The following ALPK1 variants were observed in gnomAD, a reference collection of about 807,000 sequenced individuals.
ALPK1 encodes the protein alpha-protein kinase 1.
In ALPK1, 110 loss-of-function variants were observed where a neutral mutation model predicts 120.6. The ratio of observed to expected loss-of-function variants is 0.91; its 90% CI spans 0.78 to 1.07. The LOEUF is 1.07. Among genes scored for constraint, ALPK1 ranks in the 50% least tolerant of loss-of-function variants. ALPK1 has a pLI of 0.00. For synonymous variants in ALPK1, 582 were observed against 560.3 expected (o/e 1.04, Z -0.55); for missense variants, 1,498 against 1,483.9 (o/e 1.01, Z -0.16).
chr4:112,320,889 A>ATT (rs1728837609), intron 2 of ALPK1, among the ~76,000 whole-genome samples: 1 of 128,596 alleles, frequency 7.8e-6, no homozygotes, highest in African/African-American at 3.1e-5. Context: ...AATATCACCC[A>ATT]TTTCTTTCTT....
chr4:112,320,893 C>CTTTT (rs1430803675), intron 2 of ALPK1, among the ~76,000 whole-genome samples: 12 of 119,184 alleles, frequency 1.0e-4, no homozygotes, highest in African/African-American at 4.5e-4. Context: ...TCACCCATTT[C>CTTTT]TTTCTTTTTT....
intron 2 of ALPK1, among the ~76,000 whole-genome samples, chr4:112,328,545 G>A (rs554896695): frequency 6.6e-6 from 1 of 152,138 alleles, no homozygotes; most frequent in Admixed American, 6.5e-5. Flanking sequence ...AATCCTTTAG[G>A]GACCAATTAC....
At chr4:112,395,528 C>T (rs1449939688) in intron 4 of ALPK1, among the ~76,000 whole-genome samples, 2 of 152,118 alleles carry the variant, frequency 1.3e-5, no homozygotes, top group Non-Finnish European at 2.9e-5. Context: ...GCACATTATA[C>T]ATTTATTTAT....
rs1426900884 is a variant in ALPK1 at position 112,425,783 on chromosome 4, G to A, written c.622+32G>A. ...TCATGTAAAACTTGCATTTCTCAAG[G>A]CTCATTTACAAAGCCTGGCTGCATG... On this transcript the variant is annotated intron_variant, in intron 7 of 15. Transcript: ENST00000650871. 4.5e-6 allele frequency: 7 copies of A among 1,561,770 alleles called. No homozygotes were observed. The Admixed American group carries it at 1.2e-4, about 26-fold the overall frequency.
At chr4:112,329,452 A>T (rs1434039028) in intron 2 of ALPK1, among the ~76,000 whole-genome samples, 3 of 152,138 alleles carry the variant, frequency 2.0e-5, no homozygotes, top group Non-Finnish European at 4.4e-5. Flanking sequence ...GCCCAGACCC[A>T]CGTATTTCAC....
chr4:112,383,712 G>A (rs138338956), intron 4 of ALPK1: 29 of 152,346 alleles, frequency 1.9e-4, no homozygotes, highest in African/African-American at 7.0e-4. Flanking sequence ...CAAAGTGCTT[G>A]TAACACTTTA....
intron 2 of ALPK1, among the ~76,000 whole-genome samples, chr4:112,377,050 C>T (rs887652918): frequency 2.0e-5 from 3 of 152,030 alleles, no homozygotes; most frequent in African/African-American, 7.2e-5. Flanking sequence ...ATTGTATATA[C>T]GTTAAATGAC....
rs867191939 is a variant in ALPK1, at chr4:112,432,112, G to C, written c.2565G>C (p.Gly855=). The C allele has an allele frequency of 1.2e-5, 19 of 1,614,194 alleles. No homozygotes were observed. The African/African-American group carries it at 1.6e-4, about 14-fold the overall frequency. The change falls in exon 11 of 16, where the codon GGG becomes GGC. Residue 855 remains glycine, a synonymous_variant. Coordinates refer to ENST00000650871, the MANE Select transcript of ALPK1 (RefSeq NM_025144.4). The part of the protein sequence containing the change: ...DPDASTVDEE[G]QLLDSMDVPC... ...ATGCCTCCACAGTGGATGAGGAGGGGCAACTGCTCGACAGCATGGATGTTC... is the reference window on the plus strand; with the variant it reads ...ATGCCTCCACAGTGGATGAGGAGGGCCAACTGCTCGACAGCATGGATGTTC...
intron 2 of ALPK1, among the ~76,000 whole-genome samples, chr4:112,349,551 G>GTCC (rs1730243996): frequency 9.6e-6 from 1 of 103,714 alleles, no homozygotes; most frequent in Non-Finnish European, 1.9e-5. Context: ...CCCAACCCCT[G>GTCC]CCCCCCCCCG....
chr4:112,352,178 A>G (rs1041636043), intron 2 of ALPK1, among the ~76,000 whole-genome samples: 1 of 152,176 alleles, frequency 6.6e-6, no homozygotes, highest in African/African-American at 2.4e-5. Flanking sequence ...TAATATTTTC[A>G]TCAAATGCGG....
intron 2 of ALPK1, among the ~76,000 whole-genome samples, chr4:112,347,324 G>C (rs147510175): frequency 1.1e-4 from 16 of 152,310 alleles, no homozygotes; most frequent in African/African-American, 3.1e-4. Flanking sequence ...ATCTTAATGA[G>C]TTGCTATTTG....
intron 13 of ALPK1, 105 bp downstream of exon 13, chr4:112,438,751 C>A: frequency 3.0e-6 from 4 of 1,312,286 alleles, no homozygotes; most frequent in Non-Finnish European, 3.2e-6. Context: ...TTTTAGCAAA[C>A]TATCCTTGTG....
At position 112,432,022 on chromosome 4, in the gene ALPK1, G is replaced by T; in HGVS notation, c.2475G>T (p.Trp825Cys). ...CATGTAGCTCCTTCACCCCTAATTG[G>T]CCTGTTCAAAATCCTGACTCCAGAA... is the stretch of plus-strand genomic sequence containing the variant. Reference protein sequence around the residue: ...MLPCSSFTPNWPVQNPDSRKS... With the variant: ...MLPCSSFTPNCPVQNPDSRKS... The change falls in exon 11 of 16, where the codon TGG (tryptophan) becomes TGT (cysteine). Residue 825 changes from tryptophan to cysteine, a missense_variant. Coordinates refer to ENST00000650871, the MANE Select transcript of ALPK1 (RefSeq NM_025144.4). The T allele has an allele frequency of 6.2e-6, 10 of 1,613,946 alleles. No homozygotes were observed. The highest frequency in any genetic ancestry group is 8.5e-6 in the Non-Finnish European group (10 of 1,179,910).
Position 112,319,587 on chromosome 4 carries a change from G to A in ALPK1, c.-101+3735G>A, listed in dbSNP as rs1039097949. On this transcript the variant is annotated intron_variant, in intron 2 of 15. Coordinates refer to ENST00000650871, the MANE Select transcript of ALPK1 (RefSeq NM_025144.4). ...TTTTCTAATTCTGTGAAAAATGATG[G>A]TGGTACCTTGATGGCAATTGCATTG... Among the ~76,000 whole-genome samples the A allele has an allele frequency of 4.6e-5, 7 of 152,220 alleles. No individual in the cohort carries two copies. In the East Asian group the frequency reaches 1.4e-3, roughly 29 times the overall value.
intron 1 of ALPK1, among the ~76,000 whole-genome samples, chr4:112,307,823 A>G (rs963074960): frequency 7.2e-5 from 11 of 152,086 alleles, no homozygotes; most frequent in Admixed American, 5.9e-4. Context: ...TCATTAGTTG[A>G]TGCAGTTTCT....
At chr4:112,430,394 T>C in intron 10 of ALPK1, 54 bp from the exon 11 acceptor site, 1 of 1,462,756 alleles carries the variant, frequency 6.8e-7, no homozygotes. Flanking sequence ...TTTGTCCTGA[T>C]TCACTTGCAG....
At chr4:112,319,322 A>G (rs1164694212) in intron 2 of ALPK1, among the ~76,000 whole-genome samples, 1 of 152,232 alleles carries the variant, frequency 6.6e-6, no homozygotes, top group Non-Finnish European at 1.5e-5. Context: ...CAGAACCAGC[A>G]TTGTTTGCAA....
intron 2 of ALPK1, among the ~76,000 whole-genome samples, chr4:112,321,143 C>T (rs925336032): frequency 6.6e-6 from 1 of 152,006 alleles, no homozygotes; most frequent in Non-Finnish European, 1.5e-5. Flanking sequence ...ATGATCCTCC[C>T]GCCTAGGACT....
At chr4:112,416,779 G>A (rs747506544) in intron 5 of ALPK1, among the ~76,000 whole-genome samples, 7 of 151,768 alleles carry the variant, frequency 4.6e-5, no homozygotes, top group South Asian at 2.1e-4. Context: ...CAGAGGCTAC[G>A]GTGGGAGGAT....
Sources: gnomAD v4.1 joint callset for allele counts (sites outside exome capture counted in the v4.1 genomes callset) on GRCh38, gnomAD v4.1.1 for gene constraint, MANE v1.5 for transcripts, NCBI Gene and HGNC (gene_info 2026-07-23, HGNC 2026-07-21) for gene names.